RASGEF1B: variants seen among roughly 807,000 people sequenced by gnomAD.
RASGEF1B encodes ras-GEF domain-containing family member 1B.
Under a neutral mutation model 65.7 loss-of-function variants are expected in RASGEF1B, and 30 were observed. The ratio of observed to expected loss-of-function variants is 0.46; its 90% CI spans 0.34 to 0.62. The LOEUF (loss-of-function observed/expected upper bound fraction) is 0.62, where lower values mean the gene tolerates loss of function less well. Ranked by LOEUF, RASGEF1B falls within the 20% of genes least tolerant of loss-of-function variation. The pLI is 0.01. For synonymous variants in RASGEF1B, 175 were observed against 194.8 expected (o/e 0.90, Z 0.85); for missense variants, 495 against 580.1 (o/e 0.85, Z 1.51).
chr4:81,429,372 A>G (rs1721337911), intron 13 of RASGEF1B, among the ~76,000 whole-genome samples: 1 of 152,196 alleles, frequency 6.6e-6, no homozygotes, highest in African/African-American at 2.4e-5. Flanking sequence ...TTTTATACCA[A>G]AGAATATAAT....
chr4:81,442,308 C>G lies in RASGEF1B; in HGVS notation c.997G>C (p.Asp333His), dbSNP rs148788016. The change falls in exon 9 of 14, where the codon GAC becomes CAC. Residue 333 changes from aspartate to histidine, a missense_variant. Physicochemically the swap from Asp to His is moderately conservative, Grantham distance 81. Coordinates refer to ENST00000264400, the MANE Select transcript of RASGEF1B (RefSeq NM_152545.3). ...TWAKVKTAKF[D>H]ILEHQMDPSS... Reference sequence around the variant, plus strand: ...TCAGCTTCACATACCTCAAGAATGTCAAATTTTGCAGTCTTCACTTTGGCC... The same window carrying G: ...TCAGCTTCACATACCTCAAGAATGTGAAATTTTGCAGTCTTCACTTTGGCC... 6.2e-7 allele frequency: 1 copy of G among 1,609,800 alleles called. No individual in the cohort carries two copies.
intron 8 of RASGEF1B, among the ~76,000 whole-genome samples, chr4:81,443,976 T>C (rs2109977030): frequency 6.6e-6 from 1 of 152,346 alleles, no homozygotes; most frequent in South Asian, 2.1e-4. Context: ...CATTCTAGTG[T>C]ATGCAATGGT....
chr4:81,467,374 G>A (rs998041948), intron 1 of RASGEF1B, among the ~76,000 whole-genome samples: 1 of 152,148 alleles, frequency 6.6e-6, no homozygotes, highest in African/African-American at 2.4e-5. Context: ...TTGTCTTGGG[G>A]ATGTGTTGTT....
intron 4 of RASGEF1B, chr4:81,451,988 C>G (rs1359811679): frequency 1.3e-5 from 2 of 152,302 alleles, no homozygotes; most frequent in African/African-American, 2.4e-5. Context: ...CCCAGAGATT[C>G]TGATCGACTT....
chr4:81,445,842 T>G lies in RASGEF1B; in HGVS notation c.730-4A>C. The G allele has an allele frequency of 6.2e-7, 1 of 1,610,178 alleles. No individual in the cohort carries two copies. Among genetic ancestry groups the G allele is most frequent in the East Asian group, 2.2e-5 (1 of 44,848 alleles). ...TCTTCCGTTCACTGTAGCAACTCTT[T>G]AGAGAAAACAAAGTAAACAGATGAG... On this transcript the variant is annotated splice_polypyrimidine_tract_variant and splice_region_variant and intron_variant, in intron 6 of 13. Transcript: ENST00000264400.
chr4:81,466,773 A>AAAGAAG, intron 1 of RASGEF1B, among the ~76,000 whole-genome samples: 1 of 81,188 alleles, frequency 1.2e-5, no homozygotes, highest in East Asian at 3.4e-4. Context: ...AAAAAAAAAA[A>AAAGAAG]GAAAGAAAGA....
rs145592491 is a variant in RASGEF1B at position 81,461,673 on chromosome 4, C to A, written c.-6-2159G>T. Among the ~76,000 whole-genome samples the A allele has an allele frequency of 1.0e-3, 158 of 152,296 alleles. 1 individual carries two copies. Among genetic ancestry groups the A allele is most frequent in the African/African-American group, 3.8e-3 (157 of 41,552 alleles). On this transcript the variant is annotated intron_variant, in intron 1 of 13. Coordinates refer to ENST00000264400, the MANE Select transcript of RASGEF1B (RefSeq NM_152545.3). ...ATCAATTAAAGTGGTGGTCTAAAGGCCTGAGGATGAGCAAGGAAAATATGG... is the reference window on the plus strand; with the variant it reads ...ATCAATTAAAGTGGTGGTCTAAAGGACTGAGGATGAGCAAGGAAAATATGG...
chr4:81,470,048 A>C (rs900302664), intron 1 of RASGEF1B, among the ~76,000 whole-genome samples: 5 of 152,138 alleles, frequency 3.3e-5, no homozygotes, highest in Non-Finnish European at 7.4e-5. Flanking sequence ...CTTGAGAGGC[A>C]TAATATAACG....
chr4:81,470,574 C>T lies in RASGEF1B; in HGVS notation c.-7+1196G>A, dbSNP rs186324640. On this transcript the variant is annotated intron_variant, in intron 1 of 13. Coordinates refer to ENST00000264400, the MANE Select transcript of RASGEF1B (RefSeq NM_152545.3). The stretch of plus-strand genomic sequence containing the variant: ...TAGACCATCTGAGCTAAATATAGAT[C>T]TACACACACCAGCAGTTCCTGACCG... Among the ~76,000 whole-genome samples, 4 of 152,294 alleles carry T rather than the reference C, an allele frequency of 2.6e-5. No individual in the cohort carries two copies. The East Asian group carries it at 7.7e-4, about 29-fold the overall frequency.
chr4:81,434,756 G>T, intron 10 of RASGEF1B, 22 bp from the exon 11 acceptor site: 1 of 1,244,294 alleles, frequency 8.0e-7, no homozygotes, highest in South Asian at 1.2e-5. Flanking sequence ...AAAAGATTCT[G>T]GTTGGTCTGG....
At chr4:81,454,882 T>A (rs893433502) in intron 4 of RASGEF1B, 1 of 152,232 alleles carries the variant, frequency 6.6e-6, no homozygotes, top group East Asian at 1.9e-4. Context: ...TAGCCTTACA[T>A]AATTTTAGTC....
chr4:81,462,177 C>A (rs909012829), intron 1 of RASGEF1B, among the ~76,000 whole-genome samples: 1 of 152,178 alleles, frequency 6.6e-6, no homozygotes, highest in South Asian at 2.1e-4. Flanking sequence ...TTTTGCTTAT[C>A]CCTTCCAAAA....
In RASGEF1B at chr4:81,460,604, A is replaced by T. The variant is rs185563065; in HGVS notation, c.-6-1090T>A. Among the ~76,000 whole-genome samples, 1,105 of 152,292 alleles carry T rather than the reference A, an allele frequency of 7.3e-3. 17 individuals are homozygous for T. Among genetic ancestry groups the T allele is most frequent in the South Asian group, 0.046 (220 of 4,816 alleles). On this transcript the variant is annotated intron_variant, in intron 1 of 13. Coordinates refer to ENST00000264400, the MANE Select transcript of RASGEF1B (RefSeq NM_152545.3). ...GTGGAGCCCTGTCTAAGTCACATCC[A>T]TCACTCCTTGAGCATCTGTTCCAGC...
At chr4:81,435,676 C>G (rs565845848) in intron 10 of RASGEF1B, among the ~76,000 whole-genome samples, 4 of 149,290 alleles carry the variant, frequency 2.7e-5, no homozygotes, top group Admixed American at 2.7e-4. Flanking sequence ...AGGGTTTCAC[C>G]GTGTTAGCCA....
At chr4:81,456,308 A>T in intron 4 of RASGEF1B, 1 of 585,990 alleles carries the variant, frequency 1.7e-6, no homozygotes, top group Non-Finnish European at 3.0e-6. Context: ...GTCTACTAAC[A>T]TGCCATTTAT....
chr4:81,466,969 T>C (rs1433461402), intron 1 of RASGEF1B, among the ~76,000 whole-genome samples: 1 of 144,002 alleles, frequency 6.9e-6, no homozygotes, highest in Non-Finnish European at 1.5e-5. Context: ...AAAAAAGGTA[T>C]TGTATTGAGA....
chr4:81,431,910 AAAGCCTACTAGTACTTCTTTCTTTATC>A (rs1325800926), intron 13 of RASGEF1B, among the ~76,000 whole-genome samples: 1 of 152,230 alleles, frequency 6.6e-6, no homozygotes, highest in African/African-American at 2.4e-5. Context: ...CCAACTTTAT[AAAGCCTACTAGTACTTCTTTCTTTATC>A]TCAGGTTAAA....
At chr4:81,471,522 G>C (rs1022618733) in intron 1 of RASGEF1B, among the ~76,000 whole-genome samples, 1 of 152,154 alleles carries the variant, frequency 6.6e-6, no homozygotes, top group South Asian at 2.1e-4. Flanking sequence ...CGCAGCGGCC[G>C]GGCAGGGGCC....
At chr4:81,464,672 A>C (rs1235311988) in intron 1 of RASGEF1B, among the ~76,000 whole-genome samples, 1 of 152,204 alleles carries the variant, frequency 6.6e-6, no homozygotes, top group Non-Finnish European at 1.5e-5. Flanking sequence ...CAGATTAAGA[A>C]GTCCATGTGC....
Sources: gnomAD v4.1 joint callset for allele counts (sites outside exome capture counted in the v4.1 genomes callset) on GRCh38, gnomAD v4.1.1 for gene constraint, MANE v1.5 for transcripts, NCBI Gene and HGNC (gene_info 2026-07-23, HGNC 2026-07-21) for gene names.